The following UIMC1 variants were observed in gnomAD, a reference collection of about 807,000 sequenced individuals.
UIMC1 encodes BRCA1-A complex subunit RAP80.
UIMC1 carries 42 observed loss-of-function variants against 84.9 expected under a neutral mutation model. That is an observed-to-expected ratio of 0.49 (90% confidence interval 0.39 to 0.64). UIMC1 has a LOEUF of 0.64. Among genes scored for constraint, UIMC1 ranks in the 30% least tolerant of loss-of-function variants. The probability of loss-of-function intolerance (pLI) is 0.00; values close to 1 mark genes in which losing one functional copy is unlikely to be tolerated. For synonymous variants in UIMC1, 281 were observed against 293.0 expected (o/e 0.96, Z 0.42); for missense variants, 825 against 847.6 (o/e 0.97, Z 0.33).
intron 1 of UIMC1, among the ~76,000 whole-genome samples, chr5:176,995,473 G>C (rs1405592418): frequency 7.3e-6 from 1 of 136,654 alleles, no homozygotes; most frequent in Non-Finnish European, 1.5e-5. Flanking sequence ...TGAATTGCTT[G>C]AACTCAGGAG....
chr5:176,990,831 ACTCAG>A (rs1772728047), intron 1 of UIMC1, among the ~76,000 whole-genome samples: 1 of 149,030 alleles, frequency 6.7e-6, no homozygotes, highest in Admixed American at 6.7e-5. Flanking sequence ...ACACCACAAC[ACTCAG>A]CTAATTTTTT....
intron 10 of UIMC1, among the ~76,000 whole-genome samples, chr5:176,921,942 CT>C (rs1232078060): frequency 3.3e-5 from 5 of 152,196 alleles, no homozygotes; most frequent in Non-Finnish European, 5.9e-5. Flanking sequence ...TCCTTTCCCC[CT>C]GTCGCTCAAT....
At chr5:176,979,744 A>G (rs536695195) in intron 2 of UIMC1, among the ~76,000 whole-genome samples, 1 of 152,376 alleles carries the variant, frequency 6.6e-6, no homozygotes, top group African/African-American at 2.4e-5. Context: ...TCCTGTATGC[A>G]TAACATATAT....
At chr5:176,912,514 T>A (rs2149393048) in intron 10 of UIMC1, among the ~76,000 whole-genome samples, 1 of 149,438 alleles carries the variant, frequency 6.7e-6, no homozygotes, top group Middle Eastern at 3.5e-3. Flanking sequence ...CTCTTCTTGC[T>A]CAGGCTGGAG....
intron 2 of UIMC1, among the ~76,000 whole-genome samples, chr5:176,982,017 A>G (rs1771131424): frequency 1.3e-5 from 2 of 152,212 alleles, no homozygotes; most frequent in Non-Finnish European, 1.5e-5. Flanking sequence ...CACTAGCCTT[A>G]TGTGTCTTTA....
chr5:176,977,424 T>A (rs1293461015), intron 2 of UIMC1, among the ~76,000 whole-genome samples: 2 of 151,468 alleles, frequency 1.3e-5, no homozygotes, highest in African/African-American at 4.8e-5. Context: ...TCTTCTCAAG[T>A]ACACACAGAA....
chr5:176,937,050 T>C (rs778040740), intron 10 of UIMC1, among the ~76,000 whole-genome samples: 5 of 152,214 alleles, frequency 3.3e-5, no homozygotes, highest in Non-Finnish European at 5.9e-5. Flanking sequence ...TAAATACGTA[T>C]TGAATGAGTA....
chr5:176,937,664 A>G (rs1455894003), intron 10 of UIMC1, among the ~76,000 whole-genome samples: 1 of 152,238 alleles, frequency 6.6e-6, no homozygotes, highest in Non-Finnish European at 1.5e-5. Flanking sequence ...AATGATATGC[A>G]TAATTGTTAT....
chr5:176,935,927 G>T (rs1763664875), intron 10 of UIMC1, among the ~76,000 whole-genome samples: 1 of 152,072 alleles, frequency 6.6e-6, no homozygotes, highest in Admixed American at 6.6e-5. Flanking sequence ...TCCACTCCTA[G>T]CAGTATCCTG....
At chr5:176,908,124 G>C (rs1365662072) in intron 12 of UIMC1, among the ~76,000 whole-genome samples, 3 of 152,050 alleles carry the variant, frequency 2.0e-5, no homozygotes, top group African/African-American at 7.2e-5. Flanking sequence ...CATAGTACTA[G>C]ATATATAGTA....
chr5:176,936,291 T>G (rs1763708100), intron 10 of UIMC1, among the ~76,000 whole-genome samples: 1 of 152,238 alleles, frequency 6.6e-6, no homozygotes. Context: ...ATGAGGAACC[T>G]GATCCTGAAA....
At chr5:176,911,207 G>C (rs1361320024) in intron 11 of UIMC1, 104 bp downstream of exon 11, 1 of 839,934 alleles carries the variant, frequency 1.2e-6, no homozygotes, top group East Asian at 3.0e-5. Context: ...TGAAGCAATT[G>C]GCAGGCCAAA....
chr5:176,970,887 G>C, intron 3 of UIMC1, 21 bp from the exon 4 acceptor site: 1 of 1,611,180 alleles, frequency 6.2e-7, no homozygotes, highest in Non-Finnish European at 8.5e-7. Flanking sequence ...ATAGGGAAAA[G>C]AGAAGGAGGA....
rs1441378736 is a variant in UIMC1 at position 176,905,350 on chromosome 5, G to A, written c.2092C>T (p.Gln698Ter). Residue 698 changes from glutamine (Q) to a stop codon, truncating the protein, a stop_gained, in exon 15 of 15, where the codon CAA (glutamine) becomes TAA (stop). Transcript: ENST00000511320. LOFTEE classifies it high-confidence loss of function. ...ATDCLVDFKK[Q>*]VTVQPGSRTR... ...CGACTACCTGGCTGGACAGTAACTT[G>A]CTTTTTAAAGTCCACTAAGCAATCT... is the stretch of plus-strand genomic sequence containing the variant. 6.2e-7 allele frequency: 1 copy of A among 1,614,092 alleles called. No homozygotes were observed.
chr5:176,932,858 CTTTTT>C (rs749495757), intron 10 of UIMC1, among the ~76,000 whole-genome samples: 21 of 106,632 alleles, frequency 2.0e-4, no homozygotes, highest in African/African-American at 8.3e-4. Flanking sequence ...AATAGCAATG[CTTTTT>C]TTTTTTTTTT....
intron 1 of UIMC1, among the ~76,000 whole-genome samples, chr5:176,997,554 G>A (rs1278684310): frequency 2.6e-5 from 4 of 151,802 alleles, no homozygotes; most frequent in Non-Finnish European, 4.4e-5. Context: ...GCGTGGTGGC[G>A]GGCCCCTGTA....
chr5:176,920,146 T>G (rs1482259926), intron 10 of UIMC1, among the ~76,000 whole-genome samples: 1 of 151,970 alleles, frequency 6.6e-6, no homozygotes, highest in East Asian at 1.9e-4. Flanking sequence ...CTCAGCCTCC[T>G]GAGTAGCTGG....
intron 8 of UIMC1, among the ~76,000 whole-genome samples, chr5:176,954,574 A>C (rs1766339808): frequency 6.6e-6 from 1 of 151,240 alleles, no homozygotes; most frequent in Non-Finnish European, 1.5e-5. Flanking sequence ...GTCTCTACTA[A>C]AAAAAAATAA....
intron 10 of UIMC1, among the ~76,000 whole-genome samples, chr5:176,940,937 C>T (rs1024112342): frequency 1.3e-5 from 2 of 152,170 alleles, no homozygotes; most frequent in African/African-American, 4.8e-5. Flanking sequence ...CAGGGTCACA[C>T]ACTAGTAAGT....
Sources: gnomAD v4.1 joint callset for allele counts (sites outside exome capture counted in the v4.1 genomes callset) on GRCh38, gnomAD v4.1.1 for gene constraint, MANE v1.5 for transcripts, NCBI Gene and HGNC (gene_info 2026-07-23, HGNC 2026-07-21) for gene names.